Variants in RORA observed in about 807,000 individuals in gnomAD.
RORA encodes the protein nuclear receptor ROR-alpha.
In RORA, 7 loss-of-function variants were observed where a neutral mutation model predicts 69.5. That is an observed-to-expected ratio of 0.10 (90% confidence interval 0.06 to 0.19). The LOEUF is 0.19. Ranked by LOEUF, RORA falls within the 10% of genes least tolerant of loss-of-function variation. The probability of loss-of-function intolerance (pLI) is 1.00; values close to 1 mark genes in which losing one functional copy is unlikely to be tolerated. For synonymous variants in RORA, 261 were observed against 240.8 expected, an observed-to-expected ratio of 1.08 and a Z score of -0.78; for missense variants, 457 against 663.0, an observed-to-expected ratio of 0.69 and a Z score of 3.41.
In RORA at chr15:61,205,407, C is replaced by T. The variant is rs186488051; in HGVS notation, c.166+23646G>A. ...TATTCACAGTACACAGCACACGCCT[C>T]TGCCAAGCCACAGTCGCAGGTTGTT... On this transcript the variant is annotated intron_variant, in intron 1 of 10. Transcript: ENST00000335670. Among the ~76,000 whole-genome samples, 27 of 152,342 alleles carry T rather than the reference C, an allele frequency of 1.8e-4. No homozygotes were observed. The East Asian group carries it at 2.9e-3, about 16-fold the overall frequency.
At chr15:60,967,283 CA>C (rs1483396503) in intron 1 of RORA, among the ~76,000 whole-genome samples, 17 of 152,214 alleles carry the variant, frequency 1.1e-4, no homozygotes, top group Non-Finnish European at 2.1e-4. Flanking sequence ...TGCATGTTTA[CA>C]AATATATGTT....
At chr15:61,185,401 C>G (rs755981301) in intron 1 of RORA, among the ~76,000 whole-genome samples, 1 of 121,530 alleles carries the variant, frequency 8.2e-6, no homozygotes, top group Non-Finnish European at 1.8e-5. Flanking sequence ...TACGGCTACT[C>G]AAGTATAAAG....
chr15:60,513,018 G>A (rs2065752292), intron 4 of RORA, among the ~76,000 whole-genome samples: 1 of 152,166 alleles, frequency 6.6e-6, no homozygotes, highest in Non-Finnish European at 1.5e-5. Context: ...GACTATGATC[G>A]TAGTTATAAG....
At chr15:60,651,980 G>T (rs2140699080) in intron 2 of RORA, among the ~76,000 whole-genome samples, 1 of 152,296 alleles carries the variant, frequency 6.6e-6, no homozygotes, top group Admixed American at 6.5e-5. Flanking sequence ...AGAAAGTGTA[G>T]CCCTGATCAA....
intron 1 of RORA, among the ~76,000 whole-genome samples, chr15:61,162,873 T>A (rs737112): frequency 6.6e-6 from 1 of 151,982 alleles, no homozygotes; most frequent in Non-Finnish European, 1.5e-5. Context: ...AAGGCCACTA[T>A]TACTGGGGAA....
At chr15:60,506,116 G>A (rs1463720070) in intron 5 of RORA, among the ~76,000 whole-genome samples, 2 of 152,100 alleles carry the variant, frequency 1.3e-5, no homozygotes, top group Non-Finnish European at 2.9e-5. Context: ...CATTACTGAG[G>A]GCCTACCATG....
At chr15:60,624,500 G>A (rs1230470287) in intron 2 of RORA, among the ~76,000 whole-genome samples, 2 of 52,710 alleles carry the variant, frequency 3.8e-5, no homozygotes, top group African/African-American at 1.8e-4. Context: ...ATATATATTT[G>A]CTGTATGTGT....
chr15:60,822,134 T>C (rs1233389867), intron 1 of RORA, among the ~76,000 whole-genome samples: 2 of 152,206 alleles, frequency 1.3e-5, no homozygotes, highest in African/African-American at 4.8e-5. Context: ...AAAACTCTTA[T>C]TTTATCAAAG....
intron 1 of RORA, among the ~76,000 whole-genome samples, chr15:61,094,869 G>A (rs1040993270): frequency 3.9e-5 from 6 of 152,212 alleles, no homozygotes; most frequent in Admixed American, 1.3e-4. Flanking sequence ...AGAAAGAGGC[G>A]TTCCTCTGCC....
At chr15:60,620,117 G>A (rs925270157) in intron 2 of RORA, among the ~76,000 whole-genome samples, 1 of 152,218 alleles carries the variant, frequency 6.6e-6, no homozygotes. Flanking sequence ...TTGCTTTAGA[G>A]TGAGGAATCT....
At chr15:61,011,158 C>T (rs1307031995) in intron 1 of RORA, among the ~76,000 whole-genome samples, 1 of 152,186 alleles carries the variant, frequency 6.6e-6, no homozygotes, top group African/African-American at 2.4e-5. Flanking sequence ...GCACACACTT[C>T]TGGCTTCTTG....
intron 2 of RORA, among the ~76,000 whole-genome samples, chr15:60,586,571 G>A (rs982810269): frequency 6.6e-6 from 1 of 152,144 alleles, no homozygotes; most frequent in African/African-American, 2.4e-5. Context: ...CAAAGGAAAG[G>A]ATCAGAATTA....
intron 2 of RORA, among the ~76,000 whole-genome samples, chr15:60,622,072 C>A (rs2069425677): frequency 6.6e-6 from 1 of 151,726 alleles, no homozygotes; most frequent in Admixed American, 6.6e-5. Context: ...GCGGAATGTT[C>A]CCTCCATGTA....
chr15:61,002,575 T>G (rs1249319702), intron 1 of RORA, among the ~76,000 whole-genome samples: 1 of 152,190 alleles, frequency 6.6e-6, no homozygotes, highest in East Asian at 1.9e-4. Context: ...AAAAATATGT[T>G]AGCGTCTCCA....
chr15:61,141,208 G>C (rs149307637), intron 1 of RORA, among the ~76,000 whole-genome samples: 1 of 152,268 alleles, frequency 6.6e-6, no homozygotes, highest in East Asian at 1.9e-4. Flanking sequence ...GACTTCTGGG[G>C]TTAATGCAAT....
At chr15:60,982,466 A>G (rs1894073734) in intron 1 of RORA, among the ~76,000 whole-genome samples, 1 of 152,210 alleles carries the variant, frequency 6.6e-6, no homozygotes. Flanking sequence ...GTAGAGAAGA[A>G]TGTTTAGACC....
chr15:60,916,341 A>G (rs1891872259), intron 1 of RORA, among the ~76,000 whole-genome samples: 1 of 152,208 alleles, frequency 6.6e-6, no homozygotes, highest in South Asian at 2.1e-4. Flanking sequence ...CATTGGAAAC[A>G]AGGGAAGAGA....
chr15:60,668,712 A>AGACATGG (rs1307084187), intron 2 of RORA, among the ~76,000 whole-genome samples: 1 of 152,236 alleles, frequency 6.6e-6, no homozygotes, highest in Non-Finnish European at 1.5e-5. Context: ...CGACACAAAA[A>AGACATGG]GACATGGTGT....
At chr15:61,054,833 T>G (rs1023018127) in intron 1 of RORA, among the ~76,000 whole-genome samples, 152 of 147,682 alleles carry the variant, frequency 1.0e-3, no homozygotes, top group South Asian at 1.3e-3. Context: ...TTTGTTTTTT[T>G]TTTTTTTGGT....
Sources: allele counts gnomAD v4.1 joint callset (sites outside exome capture counted in the v4.1 genomes callset), GRCh38; gene constraint gnomAD v4.1.1; transcripts MANE v1.5; gene names NCBI Gene and HGNC (gene_info 2026-07-23, HGNC 2026-07-21).